The following ULK2 variants were observed in gnomAD, a reference collection of about 807,000 sequenced individuals.
ULK2 encodes the protein unc-51 like autophagy activating kinase 2.
ULK2 carries 76 observed loss-of-function variants against 127.5 expected under a neutral mutation model. The ratio of observed to expected loss-of-function variants is 0.60; its 90% CI spans 0.50 to 0.72. The LOEUF (loss-of-function observed/expected upper bound fraction) is 0.72. Ranked by LOEUF, ULK2 falls within the 30% of genes least tolerant of loss-of-function variation. The pLI, the probability that ULK2 is intolerant of heterozygous loss-of-function variation, is 0.00. For missense variants in ULK2, 1,144 were observed against 1,295.9 expected (o/e 0.88, Z 1.80); for synonymous variants, 452 against 461.9 (o/e 0.98, Z 0.28).
At chr17:19,860,020 A>G (rs942328447) in intron 3 of ULK2, among the ~76,000 whole-genome samples, 6 of 152,156 alleles carry the variant, frequency 3.9e-5, no homozygotes, top group Admixed American at 2.0e-4. Context: ...CTACAATACT[A>G]TACTGATTAT....
At chr17:19,782,702 G>C (rs1472703298) in intron 22 of ULK2, among the ~76,000 whole-genome samples, 1 of 152,102 alleles carries the variant, frequency 6.6e-6, no homozygotes, top group Non-Finnish European at 1.5e-5. Flanking sequence ...GATCACCTGA[G>C]GTCAGGAGTT....
intron 20 of ULK2, among the ~76,000 whole-genome samples, chr17:19,787,106 A>G (rs1198960467): frequency 2.6e-5 from 4 of 151,284 alleles, no homozygotes; most frequent in Non-Finnish European, 4.4e-5. Context: ...CTCCTGCCTC[A>G]GCCTCTCGAG....
At chr17:19,809,827 C>T (rs1165479867) in intron 14 of ULK2, among the ~76,000 whole-genome samples, 1 of 151,430 alleles carries the variant, frequency 6.6e-6, no homozygotes, top group Non-Finnish European at 1.5e-5. Flanking sequence ...ATGGCTTGAA[C>T]CCAGGAGGCG....
chr17:19,799,579 C>CAAA lies in ULK2; in HGVS notation c.1442-7_1442-5dup, dbSNP rs11456096. On this transcript the variant is annotated splice_region_variant and splice_polypyrimidine_tract_variant and intron_variant, in intron 16 of 26. Transcript: ENST00000395544. ...AATTGCTCAGGAATGGTACCAACTA[C>CAAA]AAAAAAAAAAAAAAAAAAGATGGGG... 4.0e-3 allele frequency: 4,741 copies of CAAA among 1,188,310 alleles called. 11 individuals carry two copies. The highest frequency in any genetic ancestry group is 9.4e-3 in the South Asian group (409 of 43,544). The allele number at this position is 1,188,310 out of a possible 1,614,324, so 73.6% of individuals were successfully genotyped here.
Position 19,775,130 on chromosome 17 carries a change from A to C in ULK2, c.*1219T>G, listed in dbSNP as rs978825496. The C allele has an allele frequency of 2.0e-5, 3 of 152,692 alleles. No individual in the cohort carries two copies. The highest frequency in any genetic ancestry group is 7.2e-5 in the African/African-American group (3 of 41,466). 9.5% of individuals were successfully genotyped at this position (152,692 alleles called of 1,614,324 possible). ...ATTAAAATTGGTGAATGGTTTATTC[A>C]AGTATTCAAGCAGGTAAGTAAAAGA... On this transcript the variant is annotated 3_prime_UTR_variant, in exon 27 of 27. Transcript: ENST00000395544.
At chr17:19,814,452 T>TGTTTGTTTGTTTG (rs1183474234) in intron 13 of ULK2, among the ~76,000 whole-genome samples, 4 of 10,134 alleles carry the variant, frequency 3.9e-4, no homozygotes, top group Admixed American at 1.2e-3. Flanking sequence ...TTTTTTTTTT[T>TGTTTGTTTGTTTG]TTTTTTTTTT....
rs1266402519 is a variant in ULK2, at chr17:19,867,820, G to A, written c.-403C>T. On this transcript the variant is annotated 5_prime_UTR_variant, in exon 1 of 27. Coordinates refer to ENST00000395544, the MANE Select transcript of ULK2 (RefSeq NM_014683.4). ...GCCTCCTCGGCCCTCCCCGCTCGGGGCGCTGCTGCGACGGCGACGGCCGCC... is the reference window on the plus strand; with the variant it reads ...GCCTCCTCGGCCCTCCCCGCTCGGGACGCTGCTGCGACGGCGACGGCCGCC... 6.6e-6 allele frequency: 1 copy of A among 151,320 alleles called. No individual in the cohort carries two copies. Among genetic ancestry groups the A allele is most frequent in the African/African-American group, 2.4e-5 (1 of 41,326 alleles). 9.4% of individuals were successfully genotyped at this position (151,320 alleles called of 1,614,324 possible).
intron 3 of ULK2, among the ~76,000 whole-genome samples, chr17:19,857,345 T>C (rs1412626153): frequency 6.6e-6 from 1 of 151,934 alleles, no homozygotes; most frequent in African/African-American, 2.4e-5. Flanking sequence ...ATGTCCCTAC[T>C]AGAGCTTCTG....
chr17:19,803,919 A>G (rs2087454885), intron 15 of ULK2, among the ~76,000 whole-genome samples: 1 of 152,162 alleles, frequency 6.6e-6, no homozygotes, highest in Admixed American at 6.5e-5. Context: ...GGGTGCTCTG[A>G]GATTTAGGTC....
intron 25 of ULK2, among the ~76,000 whole-genome samples, chr17:19,778,389 G>A (rs2086851921): frequency 1.3e-5 from 2 of 152,170 alleles, no homozygotes; most frequent in Middle Eastern, 3.2e-3. Context: ...GCTTCCAGGA[G>A]GTGCTGTTTG....
chr17:19,853,702 G>A (rs956137710), intron 3 of ULK2, among the ~76,000 whole-genome samples: 1 of 151,830 alleles, frequency 6.6e-6, no homozygotes, highest in African/African-American at 2.4e-5. Flanking sequence ...CTCCCGAGTA[G>A]CTGGGACTAC....
intron 22 of ULK2, among the ~76,000 whole-genome samples, chr17:19,782,687 G>A (rs549682963): frequency 1.3e-5 from 2 of 152,232 alleles, no homozygotes; most frequent in African/African-American, 4.8e-5. Flanking sequence ...AGGCCAAGGC[G>A]GGTGGATCAC....
chr17:19,831,147 A>T (rs2041432465), intron 10 of ULK2, among the ~76,000 whole-genome samples: 1 of 152,098 alleles, frequency 6.6e-6, no homozygotes, highest in Non-Finnish European at 1.5e-5. Flanking sequence ...GTGAAGGGGA[A>T]GCAAGCATGT....
At position 19,793,191 on chromosome 17, in the gene ULK2, C is replaced by A. The variant is rs2087194497; in HGVS notation, c.2101+2431G>T. Among the ~76,000 whole-genome samples, 2 of 151,966 alleles carry A rather than the reference C, an allele frequency of 1.3e-5. 1 individual carries two copies. The highest frequency in any genetic ancestry group is 4.1e-4 in the South Asian group (2 of 4,824). On this transcript the variant is annotated intron_variant, in intron 20 of 26. Transcript: ENST00000395544. ...ATGCCAAGCAAAGCGGGGAAGAGCCCCTTATAAAACCATCATATCTCGTGA... is the reference window on the plus strand; with the variant it reads ...ATGCCAAGCAAAGCGGGGAAGAGCCACTTATAAAACCATCATATCTCGTGA...
chr17:19,833,255 G>A (rs1312611968), intron 10 of ULK2, among the ~76,000 whole-genome samples: 1 of 151,966 alleles, frequency 6.6e-6, no homozygotes, highest in East Asian at 1.9e-4. Flanking sequence ...GGCATGCAAA[G>A]CAACAAAGAA....
At chr17:19,780,369 G>T in intron 25 of ULK2, 103 bp downstream of exon 25, 2 of 1,105,840 alleles carry the variant, frequency 1.8e-6, no homozygotes, top group Non-Finnish European at 1.2e-6. Context: ...CTTGGGACTT[G>T]AGACATTATC....
At chr17:19,842,041 AG>A (rs1300655532) in intron 8 of ULK2, among the ~76,000 whole-genome samples, 2 of 152,120 alleles carry the variant, frequency 1.3e-5, no homozygotes, top group East Asian at 3.8e-4. Flanking sequence ...TTCAAAGAAA[AG>A]AACTATGTAT....
At chr17:19,777,456 G>C (rs1429378634) in intron 26 of ULK2, 125 bp downstream of exon 26, 2 of 1,079,348 alleles carry the variant, frequency 1.9e-6, no homozygotes, top group African/African-American at 1.6e-5. Flanking sequence ...GCTGTGATTT[G>C]CACAAGGCTG....
intron 3 of ULK2, among the ~76,000 whole-genome samples, chr17:19,852,779 C>T (rs2042046402): frequency 6.6e-6 from 1 of 151,034 alleles, no homozygotes; most frequent in African/African-American, 2.4e-5. Flanking sequence ...TACAGGCACC[C>T]GCCACCACAC....
Sources: gnomAD v4.1 joint callset for allele counts (sites outside exome capture counted in the v4.1 genomes callset) on GRCh38, gnomAD v4.1.1 for gene constraint, MANE v1.5 for transcripts, NCBI Gene and HGNC (gene_info 2026-07-23, HGNC 2026-07-21) for gene names.